The following PKHD1 variants were observed in gnomAD, a reference collection of about 807,000 sequenced individuals.
The protein encoded by PKHD1 is PKHD1 ciliary IPT domain containing fibrocystin/polyductin, also known as fibrocystin.
PKHD1 carries 291 observed loss-of-function variants against 412.0 expected under a neutral mutation model. The ratio of observed to expected loss-of-function variants is 0.71; its 90% CI spans 0.64 to 0.78. The LOEUF (loss-of-function observed/expected upper bound fraction) is 0.78, where lower values mean the gene tolerates loss of function less well. Ranked by LOEUF, PKHD1 falls within the 30% of genes least tolerant of loss-of-function variation. The pLI is 0.00. For synonymous variants in PKHD1, 1,777 were observed against 1,821.5 expected, an observed-to-expected ratio of 0.98 and a Z score of 0.62; for missense variants, 4,825 against 4,950.7, an observed-to-expected ratio of 0.97 and a Z score of 0.76.
chr6:51,995,048 A>T (rs2128083491), intron 35 of PKHD1, among the ~76,000 whole-genome samples: 1 of 152,268 alleles, frequency 6.6e-6, no homozygotes, highest in African/African-American at 2.4e-5. Flanking sequence ...CTCTCTGGTC[A>T]CCCTGCGTTT....
chr6:51,895,756 C>T (rs936811118), intron 43 of PKHD1, among the ~76,000 whole-genome samples: 2 of 151,990 alleles, frequency 1.3e-5, no homozygotes, highest in African/African-American at 2.4e-5. Flanking sequence ...TCTGAGGTAC[C>T]GGGTTCATCT....
rs140808665 is a variant in PKHD1, at chr6:51,800,539, C to A, written c.8303-9166G>T. Among the ~76,000 whole-genome samples, 310 of 152,328 alleles carry A rather than the reference C, an allele frequency of 2.0e-3. 2 individuals are homozygous for A. The highest frequency in any genetic ancestry group is 6.9e-3 in the African/African-American group (287 of 41,586). On this transcript the variant is annotated intron_variant, in intron 52 of 66. Transcript: ENST00000371117. ...CAATTTGACTACCACAGTTACAAAG[C>A]ATTCCATGTAAGTTGAACGCTAGAT...
chr6:51,896,408 A>G (rs1292784693), intron 43 of PKHD1, among the ~76,000 whole-genome samples: 2 of 152,202 alleles, frequency 1.3e-5, no homozygotes, highest in Non-Finnish European at 2.9e-5. Flanking sequence ...GGGCACACTG[A>G]CACCTCACAC....
rs926797825 is a variant in PKHD1, at chr6:52,050,252, C to T, written c.2184G>A (p.Leu728=). ...ATCCCACCACAGAGACTGATTCCAC[C>T]AGATTGCCCCCTGGGCGAGCCGTTC... ...DSGTARPGGN[L]VESVSVVGSP... is the part of the protein sequence containing the mutation. Residue 728 remains leucine, a synonymous_variant, in exon 22 of 67, where the codon CTG becomes CTA. Transcript: ENST00000371117. The T allele has an allele frequency of 1.6e-5, 26 of 1,614,030 alleles. No individual in the cohort carries two copies. The highest frequency in any genetic ancestry group is 8.3e-5 in the Admixed American group (5 of 60,000).
At chr6:52,075,524 G>A (rs1317929918) in intron 6 of PKHD1, among the ~76,000 whole-genome samples, 3 of 152,230 alleles carry the variant, frequency 2.0e-5, no homozygotes, top group Non-Finnish European at 4.4e-5. Context: ...TTTTAAGGCA[G>A]ATTTAGCAAT....
intron 37 of PKHD1, among the ~76,000 whole-genome samples, chr6:51,932,600 G>C (rs969304935): frequency 6.6e-6 from 1 of 152,176 alleles, no homozygotes; most frequent in Non-Finnish European, 1.5e-5. Flanking sequence ...TGAAAACCAT[G>C]GCTGACGTGG....
chr6:51,906,122 A>T lies in PKHD1; in HGVS notation c.6808+93T>A, dbSNP rs1782039450. The T allele has an allele frequency of 7.6e-6, 8 of 1,059,246 alleles. No individual in the cohort carries two copies. In the South Asian group the frequency reaches 7.6e-5, roughly 10 times the overall value. The allele number at this position is 1,059,246 out of a possible 1,614,324, so 65.6% of individuals were successfully genotyped here. ...TAGTGATCATAAAGCCAATATTTTT[A>T]TAAATTAGGAATTAGAAATTTGGGG... On this transcript the variant is annotated intron_variant, in intron 41 of 66. Coordinates refer to ENST00000371117, the MANE Select transcript of PKHD1 (RefSeq NM_138694.4).
chr6:51,970,638 G>T (rs1009381353), intron 35 of PKHD1, among the ~76,000 whole-genome samples: 1 of 152,206 alleles, frequency 6.6e-6, no homozygotes, highest in Non-Finnish European at 1.5e-5. Flanking sequence ...TAAGGTTAAA[G>T]ATAGAGGTCC....
chr6:51,964,312 C>T (rs576440816), intron 35 of PKHD1, among the ~76,000 whole-genome samples: 2 of 152,100 alleles, frequency 1.3e-5, no homozygotes, highest in East Asian at 1.9e-4. Flanking sequence ...GAGGAGGTGG[C>T]GTATGGGAAT....
In PKHD1 at chr6:51,762,648, C is replaced by CAT. The variant is rs112065290; in HGVS notation, c.8643-7712_8643-7711dup. ...GAAGTTTTCACACTACCATTATTCA[C>CAT]ATATATATATATATATATTTTCAGG... is the stretch of plus-strand genomic sequence containing the variant. On this transcript the variant is annotated intron_variant, in intron 55 of 66. Coordinates refer to ENST00000371117, the MANE Select transcript of PKHD1 (RefSeq NM_138694.4). 2.0e-3 allele frequency among the ~76,000 whole-genome samples: 192 copies of CAT among 95,598 alleles called. 1 individual carries two copies. Among genetic ancestry groups the CAT allele is most frequent in the East Asian group, 8.1e-3 (9 of 1,118 alleles). The allele number at this position is 95,598 out of a possible 152,430, so 62.7% of individuals were successfully genotyped here. A position where few individuals can be genotyped will look rare whatever the true frequency, so the allele number is the denominator to read the frequency against.
chr6:51,915,416 C>T (rs1200473528), intron 37 of PKHD1, among the ~76,000 whole-genome samples: 1 of 152,084 alleles, frequency 6.6e-6, no homozygotes, highest in Non-Finnish European at 1.5e-5. Context: ...AATTTGTCTC[C>T]CCCACTAAAC....
In PKHD1 at chr6:52,083,169, C is replaced by T. The variant is rs367608402; in HGVS notation, c.130+9G>A. 4.9e-5 allele frequency: 77 copies of T among 1,579,494 alleles called. No individual in the cohort carries two copies. The African/African-American group carries it at 1.0e-3, about 21-fold the overall frequency. On this transcript the variant is annotated intron_variant, in intron 3 of 66. Coordinates refer to ENST00000371117, the MANE Select transcript of PKHD1 (RefSeq NM_138694.4). ...TAAGAAATGTGCACTTGGTAAAACCCCAACCTACCATCAAAAATGACTGTG... is the reference window on the plus strand; with the variant it reads ...TAAGAAATGTGCACTTGGTAAAACCTCAACCTACCATCAAAAATGACTGTG...
intron 37 of PKHD1, among the ~76,000 whole-genome samples, chr6:51,916,544 C>T (rs963459160): frequency 6.6e-6 from 1 of 152,078 alleles, no homozygotes; most frequent in African/African-American, 2.4e-5. Flanking sequence ...AATTTGTAGC[C>T]TCTGGAAATA....
chr6:51,919,862 G>A (rs1246825722), intron 37 of PKHD1, among the ~76,000 whole-genome samples: 1 of 152,186 alleles, frequency 6.6e-6, no homozygotes, highest in Non-Finnish European at 1.5e-5. Flanking sequence ...TTGTAAGTTG[G>A]ATTCCTAGGT....
intron 48 of PKHD1, among the ~76,000 whole-genome samples, chr6:51,865,547 G>A (rs996951740): frequency 2.6e-5 from 4 of 152,160 alleles, no homozygotes; most frequent in African/African-American, 9.7e-5. Flanking sequence ...TTGGTTCTTA[G>A]CAGAACAGGA....
At chr6:51,936,796 GTA>G (rs1371207083) in intron 36 of PKHD1, among the ~76,000 whole-genome samples, 1 of 14,370 alleles carries the variant, frequency 7.0e-5, no homozygotes, top group Non-Finnish European at 1.2e-4. Context: ...AATAGACTCT[GTA>G]GCAATAAGAC....
intron 43 of PKHD1, among the ~76,000 whole-genome samples, chr6:51,900,624 G>C (rs1183111564): frequency 1.3e-5 from 2 of 152,154 alleles, no homozygotes; most frequent in African/African-American, 4.8e-5. Flanking sequence ...AGGACTTCAT[G>C]TCTAAAACAT....
chr6:52,044,402 T>C (rs1179844487), intron 25 of PKHD1, among the ~76,000 whole-genome samples: 1 of 152,180 alleles, frequency 6.6e-6, no homozygotes, highest in Non-Finnish European at 1.5e-5. Context: ...GGTATTGCAA[T>C]GGCATGGACA....
At chr6:51,836,308 G>A in intron 51 of PKHD1, 96 bp downstream of exon 51, 1 of 839,104 alleles carries the variant, frequency 1.2e-6, no homozygotes, top group Non-Finnish European at 2.1e-6. Context: ...ACTGATACCT[G>A]CCTGTTTATT....
Sources: allele counts gnomAD v4.1 joint callset (sites outside exome capture counted in the v4.1 genomes callset), GRCh38; gene constraint gnomAD v4.1.1; transcripts MANE v1.5; gene names NCBI Gene and HGNC (gene_info 2026-07-23, HGNC 2026-07-21).